Variants in ARHGEF18 observed in about 807,000 individuals in gnomAD.
The protein encoded by ARHGEF18 is rho guanine nucleotide exchange factor 18.
In ARHGEF18, 93 loss-of-function variants were observed where a neutral mutation model predicts 155.7. The observed-to-expected ratio is 0.60, with a 90% CI of 0.50 to 0.71. The LOEUF (loss-of-function observed/expected upper bound fraction) is 0.71. Ranked by LOEUF, ARHGEF18 falls within the 30% of genes least tolerant of loss-of-function variation. The pLI is 0.00. For missense variants in ARHGEF18, 1,593 were observed against 1,816.1 expected (o/e 0.88, Z 2.23); for synonymous variants, 742 against 753.1 (o/e 0.99, Z 0.24).
In ARHGEF18 at chr19:7,425,681, CA is replaced by C. The variant is rs1247648498; in HGVS notation, c.968-14647del. 1.2e-3 allele frequency among the ~76,000 whole-genome samples: 113 copies of C among 93,882 alleles called. 1 individual carries two copies. Among genetic ancestry groups the C allele is most frequent in the South Asian group, 3.1e-3 (10 of 3,248 alleles). 61.6% of individuals were successfully genotyped at this position (93,882 alleles called of 152,430 possible). ...CGGGTGACAGAGTGAGACTCCGTCT[CA>C]AAAAAAAAAAAAAAAGCTTATTAAG... is the stretch of plus-strand genomic sequence containing the variant. On this transcript the variant is annotated intron_variant, in intron 10 of 28. Coordinates refer to ENST00000668164, the MANE Select transcript of ARHGEF18 (RefSeq NM_001367823.1).
At chr19:7,388,783 G>T (rs1422356387) in intron 10 of ARHGEF18, among the ~76,000 whole-genome samples, 2 of 151,712 alleles carry the variant, frequency 1.3e-5, no homozygotes, top group Non-Finnish European at 2.9e-5. Context: ...GTTTCACCAT[G>T]TTGGCCAGGC....
chr19:7,475,775 T>C (rs1159110707), downstream of ARHGEF18, among the ~76,000 whole-genome samples: 1 of 152,140 alleles, frequency 6.6e-6, no homozygotes, highest in Non-Finnish European at 1.5e-5. Context: ...GCCCCACTGG[T>C]ATGAGCTAGT....
intron 10 of ARHGEF18, among the ~76,000 whole-genome samples, chr19:7,420,225 G>T (rs35441825): frequency 0.15 from 23,472 of 151,948 alleles, 3,795 homozygotes; most frequent in African/African-American, 0.41. Flanking sequence ...AGTACAGGTG[G>T]GACTGGGGCT....
chr19:7,472,705 T>G (rs1448348729), downstream of ARHGEF18: 1 of 290,262 alleles, frequency 3.4e-6, no homozygotes, highest in African/African-American at 2.2e-5. Context: ...TTTTTTGGTT[T>G]GTTTGTTTTT....
chr19:7,385,441 TTCATTA>T (rs900827976), intron 10 of ARHGEF18, among the ~76,000 whole-genome samples: 1 of 135,054 alleles, frequency 7.4e-6, no homozygotes, highest in African/African-American at 2.8e-5. Flanking sequence ...ATCTGGGAAC[TTCATTA>T]TTATTATTAT....
intron 1 of ARHGEF18, among the ~76,000 whole-genome samples, chr19:7,355,145 T>C (rs1969255569): frequency 6.7e-6 from 1 of 149,996 alleles, no homozygotes; most frequent in Non-Finnish European, 1.5e-5. Flanking sequence ...TAAAACTATC[T>C]AGATAATCAA....
chr19:7,413,523 G>A (rs962952723), intron 10 of ARHGEF18, among the ~76,000 whole-genome samples: 14 of 152,028 alleles, frequency 9.2e-5, no homozygotes, highest in East Asian at 1.9e-4. Context: ...GGATGGTTTC[G>A]ATCTCCTGAC....
At chr19:7,473,012 G>C (rs1055758795), downstream of ARHGEF18, 1 of 456,072 alleles carries the variant, frequency 2.2e-6, no homozygotes, top group Non-Finnish European at 4.4e-6. Flanking sequence ...GGAGGTGCCT[G>C]TGGAGGGTCC....
chr19:7,462,129 C>G lies in ARHGEF18; in HGVS notation c.2453-23C>G, dbSNP rs754720824. On this transcript the variant is annotated intron_variant, in intron 20 of 28. Coordinates refer to ENST00000668164, the MANE Select transcript of ARHGEF18 (RefSeq NM_001367823.1). The surrounding 1 kb of genome is among the most constrained non-coding windows in gnomAD (Gnocchi z 4.4). The stretch of plus-strand genomic sequence containing the variant: ...CAGGGAAGGCCGACCCGGCTGACTG[C>G]CACCTCCACCATCACTCTGCAGAGC... The G allele has an allele frequency of 6.2e-7, 1 of 1,613,400 alleles. No individual in the cohort carries two copies. The highest frequency in any genetic ancestry group is 1.3e-5 in the African/African-American group (1 of 74,938).
chr19:7,447,415 G>A (rs1328732280), intron 15 of ARHGEF18, among the ~76,000 whole-genome samples: 9 of 151,886 alleles, frequency 5.9e-5, no homozygotes, highest in Non-Finnish European at 7.4e-5. Flanking sequence ...CTTGAACCCA[G>A]GAAGCAAAGG....
chr19:7,413,553 G>A (rs1481811563), intron 10 of ARHGEF18, among the ~76,000 whole-genome samples: 2 of 151,970 alleles, frequency 1.3e-5, no homozygotes, highest in African/African-American at 2.4e-5. Context: ...CACCTGCCTC[G>A]GCCTCCCAAA....
downstream of ARHGEF18, chr19:7,473,036 C>T: frequency 2.2e-6 from 1 of 456,274 alleles, no homozygotes; most frequent in Non-Finnish European, 4.4e-6. Flanking sequence ...CCACCGGGTA[C>T]ACTTCAGGCT....
In ARHGEF18 at chr19:7,373,463, G is replaced by GT. The variant is rs534449492; in HGVS notation, c.275+405dup. Among the ~76,000 whole-genome samples the GT allele has an allele frequency of 9.4e-3, 820 of 87,056 alleles. 18 individuals are homozygous for GT. The highest frequency in any genetic ancestry group is 0.047 in the East Asian group (96 of 2,052). The allele number at this position is 87,056 out of a possible 152,430, so 57.1% of individuals were successfully genotyped here. ...ACTAGATTCTCTTGTTTTTGTGTTT[G>GT]TTTTTTTTTTTTTGTTTTTGTTTTT... On this transcript the variant is annotated intron_variant, in intron 3 of 28. Coordinates refer to ENST00000668164, the MANE Select transcript of ARHGEF18 (RefSeq NM_001367823.1).
rs1027074355 is a variant in ARHGEF18, at chr19:7,385,421, C to T, written c.967+2218C>T. On this transcript the variant is annotated intron_variant, in intron 10 of 28. Transcript: ENST00000668164. ...GTCCATGTGGCCCACTGACTTAGAG[C>T]GTCGCCGTCATCTGGGAACTTCATT... is the stretch of plus-strand genomic sequence containing the variant. 2.0e-5 allele frequency among the ~76,000 whole-genome samples: 3 copies of T among 150,840 alleles called. 1 individual carries two copies. The highest frequency in any genetic ancestry group is 1.5e-5 in the Non-Finnish European group (1 of 67,830).
chr19:7,469,851 GGT>G, intron 27 of ARHGEF18, 51 bp from the exon 28 acceptor site: 1 of 1,594,088 alleles, frequency 6.3e-7, no homozygotes, highest in South Asian at 1.1e-5. Context: ...TGCCCTGGCG[GGT>G]GGGGACAGCT....
chr19:7,356,050 T>A (rs950155295), intron 1 of ARHGEF18, among the ~76,000 whole-genome samples: 7 of 152,064 alleles, frequency 4.6e-5, no homozygotes. Flanking sequence ...CTGGCCCAGC[T>A]GCAGGACAGG....
At chr19:7,390,521 AAAAGAAAAAAG>A (rs1231618679) in intron 10 of ARHGEF18, 4 of 134,912 alleles carry the variant, frequency 3.0e-5, no homozygotes, top group African/African-American at 7.8e-5. Flanking sequence ...AAAAAAAAAA[AAAAGAAAAAAG>A]AAAAGAAAAG....
At chr19:7,361,641 C>A (rs1392399461) in intron 1 of ARHGEF18, among the ~76,000 whole-genome samples, 1 of 152,118 alleles carries the variant, frequency 6.6e-6, no homozygotes, top group South Asian at 2.1e-4. Context: ...ATCAACAGAT[C>A]AATGGATACA....
At position 7,429,779 on chromosome 19, in the gene ARHGEF18, G is replaced by A. The variant is rs1409872369; in HGVS notation, c.968-10565G>A. 4.6e-5 allele frequency among the ~76,000 whole-genome samples: 7 copies of A among 152,238 alleles called. No homozygotes were observed. The East Asian group carries it at 1.4e-3, about 29-fold the overall frequency. ...GAGGCTCTAGAAGATCCCACAAGAG[G>A]GGCCCAGAGGGCAGTGGCATGCATG... On this transcript the variant is annotated intron_variant, in intron 10 of 28. Coordinates refer to ENST00000668164, the MANE Select transcript of ARHGEF18 (RefSeq NM_001367823.1).
Sources: allele counts gnomAD v4.1 joint callset (sites outside exome capture counted in the v4.1 genomes callset), GRCh38; gene constraint gnomAD v4.1.1; non-coding constraint Gnocchi (gnomAD v3.1); transcripts MANE v1.5; gene names NCBI Gene and HGNC (gene_info 2026-07-23, HGNC 2026-07-21).